MYO16: variants seen among roughly 807,000 people sequenced by gnomAD.
MYO16 encodes the protein unconventional myosin-XVI.
A neutral mutation model predicts 205.3 loss-of-function variants in MYO16; 94 were observed. That is an observed-to-expected ratio of 0.46 (90% CI 0.39 to 0.54). MYO16 has a LOEUF of 0.54. MYO16 is among the 20% of genes least tolerant of loss of function. The probability of loss-of-function intolerance (pLI) is 0.00; values close to 1 mark genes in which losing one functional copy is unlikely to be tolerated. For synonymous variants in MYO16, 988 were observed against 954.0 expected (o/e 1.04, Z -0.66); for missense variants, 2,315 against 2,387.5 (o/e 0.97, Z 0.63).
At chr13:108,847,028 C>A (rs1021668795) in intron 10 of MYO16, among the ~76,000 whole-genome samples, 1 of 152,146 alleles carries the variant, frequency 6.6e-6, no homozygotes, top group Non-Finnish European at 1.5e-5. Context: ...TAAAGAAGAG[C>A]AAACTAGGTC....
intron 9 of MYO16, among the ~76,000 whole-genome samples, chr13:108,841,951 G>A (rs917034913): frequency 2.0e-5 from 3 of 152,040 alleles, no homozygotes; most frequent in African/African-American, 4.8e-5. Context: ...ATCTTTGACA[G>A]GACTGCCAAG....
intron 4 of MYO16, among the ~76,000 whole-genome samples, chr13:108,764,040 T>G (rs1281650768): frequency 6.6e-6 from 1 of 152,136 alleles, no homozygotes; most frequent in East Asian, 1.9e-4. Flanking sequence ...AATTGAGAGT[T>G]TTTTTGTGGA....
Position 109,140,273 on chromosome 13 carries a change from G to A in MYO16, c.4061G>A (p.Arg1354Gln), listed in dbSNP as rs1876980281. The change falls in exon 32 of 35, where the codon CGG becomes CAG. Residue 1354 changes from arginine (R) to glutamine (Q), a missense_variant. Physicochemically the swap from Arg to Gln is conservative, Grantham distance 43. Around this residue, in one of 3 missense-constraint regions of MYO16, gnomAD observed 1,097 missense variants for 1,092.0 expected, o/e 1.00. Transcript: ENST00000457511. This position sits in a 1 kb window ranked among gnomAD's most constrained non-coding sequence, Gnocchi z 8.0. ...TCCTTTCCTGCCGCAGCTCTGGCCC[G>A]GCCCAGACCGCACAGCGACGACTAC... The part of the protein sequence containing the change: ...AREAANEALA[R>Q]PRPHSDDYST... 4.4e-6 allele frequency: 7 copies of A among 1,599,582 alleles called. No individual in the cohort carries two copies. The highest frequency in any genetic ancestry group is 5.9e-6 in the Non-Finnish European group (7 of 1,178,976).
At chr13:109,010,670 C>T (rs917999887) in intron 22 of MYO16, among the ~76,000 whole-genome samples, 1 of 152,002 alleles carries the variant, frequency 6.6e-6, no homozygotes, top group Non-Finnish European at 1.5e-5. Flanking sequence ...CTTGCAATGG[C>T]TCATTTGTCC....
chr13:109,150,161 C>G (rs1487360347), intron 32 of MYO16, among the ~76,000 whole-genome samples: 1 of 152,136 alleles, frequency 6.6e-6, no homozygotes, highest in South Asian at 2.1e-4. Flanking sequence ...ATGATTGGAA[C>G]AGGGGAAAGA....
intron 22 of MYO16, among the ~76,000 whole-genome samples, chr13:109,010,452 C>A (rs1294857955): frequency 6.6e-6 from 1 of 152,180 alleles, no homozygotes; most frequent in Non-Finnish European, 1.5e-5. Context: ...TGCTAGTAAT[C>A]AACCACCTTA....
intron 27 of MYO16, among the ~76,000 whole-genome samples, chr13:109,088,150 A>G (rs1469412152): frequency 6.6e-6 from 1 of 152,192 alleles, no homozygotes; most frequent in Non-Finnish European, 1.5e-5. Flanking sequence ...GTTCTCCAAG[A>G]GGGCACAGTT....
intron 20 of MYO16, among the ~76,000 whole-genome samples, chr13:108,978,409 A>G (rs1416961547): frequency 6.6e-6 from 1 of 152,024 alleles, no homozygotes; most frequent in Middle Eastern, 3.2e-3. Flanking sequence ...CCAGTAAATA[A>G]CCTCTGCCTA....
intron 31 of MYO16, among the ~76,000 whole-genome samples, chr13:109,138,870 T>C (rs531101584): frequency 2.0e-5 from 3 of 152,324 alleles, no homozygotes; most frequent in Non-Finnish European, 4.4e-5. Context: ...CAGGCTGGAG[T>C]GCAGTGGTGC....
At chr13:108,986,316 A>G (rs1884632894) in intron 20 of MYO16, among the ~76,000 whole-genome samples, 1 of 152,122 alleles carries the variant, frequency 6.6e-6, no homozygotes, top group South Asian at 2.1e-4. Flanking sequence ...TTATACATGT[A>G]ATCTCCATAA....
chr13:109,023,952 TA>T (rs1237796407), intron 23 of MYO16, among the ~76,000 whole-genome samples: 3 of 142,096 alleles, frequency 2.1e-5, no homozygotes, highest in Non-Finnish European at 4.5e-5. Flanking sequence ...TATATGTATA[TA>T]AATATATACT....
At chr13:108,525,000 TA>T in the MYO16 span, among the ~76,000 whole-genome samples, 5 of 152,130 alleles carry the variant, frequency 3.3e-5, no homozygotes, top group Admixed American at 1.3e-4. Flanking sequence ...AAAACTTTTT[TA>T]AAAAAATCAA....
At chr13:108,654,298 C>CG (rs939973052) in intron 1 of MYO16, among the ~76,000 whole-genome samples, 1 of 152,102 alleles carries the variant, frequency 6.6e-6, no homozygotes. Context: ...ATTTGAATCA[C>CG]GGGGGCGGTT....
chr13:108,710,365 A>T (rs2139543115), intron 2 of MYO16, among the ~76,000 whole-genome samples: 1 of 152,296 alleles, frequency 6.6e-6, no homozygotes, highest in South Asian at 2.1e-4. Context: ...GATAAATTAT[A>T]CACTCATCCT....
chr13:108,986,262 GA>G (rs1884630367), intron 20 of MYO16, among the ~76,000 whole-genome samples: 3 of 152,100 alleles, frequency 2.0e-5, no homozygotes, highest in Non-Finnish European at 4.4e-5. Context: ...TATCAAGGTA[GA>G]ACATAGCTAC....
rs183700842 is a variant in MYO16 at position 109,099,064 on chromosome 13, C to T, written c.3336-1721C>T. 1.3e-4 allele frequency among the ~76,000 whole-genome samples: 20 copies of T among 152,228 alleles called. 2 individuals carry two copies. The East Asian group carries it at 3.7e-3, about 28-fold the overall frequency. ...GCTTCGATGACTGCTCTCAGTTGGT[C>T]ATTGTCAACTTCCAATGGTCAGCCA... On this transcript the variant is annotated intron_variant, in intron 27 of 34. Coordinates refer to ENST00000457511, the MANE Select transcript of MYO16 (RefSeq NM_001198950.3).
chr13:108,815,577 A>C (rs9587699), intron 7 of MYO16, among the ~76,000 whole-genome samples: 3,208 of 152,278 alleles, frequency 0.021, 106 homozygotes, highest in African/African-American at 0.072. Context: ...TATAGCCAGA[A>C]AGGAACATGT....
At chr13:108,973,444 T>C (rs1884129297) in intron 20 of MYO16, among the ~76,000 whole-genome samples, 1 of 152,216 alleles carries the variant, frequency 6.6e-6, no homozygotes, top group Admixed American at 6.5e-5. Flanking sequence ...AGGATAATTT[T>C]TGCATCTTAC....
intron 11 of MYO16, among the ~76,000 whole-genome samples, chr13:108,858,351 A>C (rs1878297115): frequency 1.3e-5 from 2 of 152,218 alleles, no homozygotes; most frequent in African/African-American, 4.8e-5. Context: ...CACAAATAGA[A>C]AATCACTAGT....
Sources: allele counts gnomAD v4.1 joint callset (sites outside exome capture counted in the v4.1 genomes callset), GRCh38; gene constraint gnomAD v4.1.1; regional missense constraint gnomAD v4.1.1; non-coding constraint Gnocchi (gnomAD v3.1); transcripts MANE v1.5; gene names NCBI Gene and HGNC (gene_info 2026-07-23, HGNC 2026-07-21).